The following GALNT7 variants were observed in gnomAD, a reference collection of about 807,000 sequenced individuals.
GALNT7 encodes the protein N-acetylgalactosaminyltransferase 7.
GALNT7 carries 60 observed loss-of-function variants against 82.1 expected under a neutral mutation model. The observed-to-expected ratio is 0.73, with a 90% CI of 0.59 to 0.91. The LOEUF is 0.91. GALNT7 is among the 40% of genes least tolerant of loss of function. The pLI is 0.00. For missense variants in GALNT7, 660 were observed against 804.2 expected (o/e 0.82, Z 2.17); for synonymous variants, 243 against 275.1 (o/e 0.88, Z 1.15).
rs1242495855 is a variant in GALNT7, at chr4:173,216,647, T to G, written c.127-31333T>G. Among the ~76,000 whole-genome samples, 4 of 148,086 alleles carry G rather than the reference T, an allele frequency of 2.7e-5. No individual in the cohort carries two copies. In the Admixed American group the frequency reaches 2.7e-4, roughly 10 times the overall value. ...TGTGTTCCCCAGGTGTGAGGGTTCCTGGGCTGGGCTGGGGCTACTGTCTTG... is the reference window on the plus strand; with the variant it reads ...TGTGTTCCCCAGGTGTGAGGGTTCCGGGGCTGGGCTGGGGCTACTGTCTTG... On this transcript the variant is annotated intron_variant, in intron 1 of 11. Coordinates refer to ENST00000265000, the MANE Select transcript of GALNT7 (RefSeq NM_017423.3).
chr4:173,321,445 TC>T, intron 11 of GALNT7, 134 bp from the exon 12 acceptor site: 1 of 637,080 alleles, frequency 1.6e-6, no homozygotes, highest in Non-Finnish European at 2.8e-6. Flanking sequence ...TCAAGAGAAA[TC>T]CAAAGTCTGA....
At chr4:173,300,354 A>G (rs1292982243) in intron 6 of GALNT7, among the ~76,000 whole-genome samples, 1 of 152,182 alleles carries the variant, frequency 6.6e-6, no homozygotes, top group African/African-American at 2.4e-5. Context: ...CAAAACAAAC[A>G]AAACTCTGGA....
At chr4:173,189,440 G>A (rs556612768) in intron 1 of GALNT7, among the ~76,000 whole-genome samples, 43 of 152,310 alleles carry the variant, frequency 2.8e-4, no homozygotes, top group Non-Finnish European at 5.7e-4. Context: ...TACAGAAATA[G>A]ATGTCCAGTG....
At chr4:173,264,992 A>C (rs958268072) in intron 2 of GALNT7, among the ~76,000 whole-genome samples, 1 of 152,220 alleles carries the variant, frequency 6.6e-6, no homozygotes, top group Admixed American at 6.5e-5. Flanking sequence ...GCAGAAGCAA[A>C]TGCTGCTTTG....
At chr4:173,313,798 T>G (rs1008660104) in intron 8 of GALNT7, among the ~76,000 whole-genome samples, 160 bp from the exon 9 acceptor site, 1 of 152,074 alleles carries the variant, frequency 6.6e-6, no homozygotes, top group Non-Finnish European at 1.5e-5. Flanking sequence ...AGATGACATA[T>G]TAGAGTCATT....
At chr4:173,184,466 C>T (rs867269150) in intron 1 of GALNT7, among the ~76,000 whole-genome samples, 1 of 151,902 alleles carries the variant, frequency 6.6e-6, no homozygotes, top group Admixed American at 6.6e-5. Context: ...GGCATGGTGG[C>T]GCCCGCCTGC....
At chr4:173,253,243 T>C (rs1259772132) in intron 2 of GALNT7, among the ~76,000 whole-genome samples, 1 of 152,120 alleles carries the variant, frequency 6.6e-6, no homozygotes, top group Non-Finnish European at 1.5e-5. Context: ...AGGGGGATAC[T>C]AGGGAAGACC....
At chr4:173,208,136 C>A (rs1202373595) in intron 1 of GALNT7, among the ~76,000 whole-genome samples, 1 of 152,080 alleles carries the variant, frequency 6.6e-6, no homozygotes, top group Non-Finnish European at 1.5e-5. Context: ...ATATTAGTTA[C>A]TCCCCCCAGT....
intron 6 of GALNT7, among the ~76,000 whole-genome samples, chr4:173,299,803 G>A (rs930424211): frequency 2.0e-5 from 3 of 151,652 alleles, no homozygotes; most frequent in Non-Finnish European, 4.4e-5. Context: ...TCAGGATCAC[G>A]CCATTGCACT....
Position 173,307,225 on chromosome 4 carries a change from C to T in GALNT7, c.1389+3107C>T, listed in dbSNP as rs897500008. Among the ~76,000 whole-genome samples the T allele has an allele frequency of 1.1e-4, 17 of 152,328 alleles. No homozygotes were observed. The East Asian group carries it at 2.1e-3, about 19-fold the overall frequency. Reference sequence around the variant, plus strand: ...TTCTGACTCATAGGCTCACTTGCAGCGGCAGTGGCCCTTGTAGAGTGGCTG... The same window carrying T: ...TTCTGACTCATAGGCTCACTTGCAGTGGCAGTGGCCCTTGTAGAGTGGCTG... On this transcript the variant is annotated intron_variant, in intron 8 of 11. Transcript: ENST00000265000.
At chr4:173,191,669 C>T (rs1169083123) in intron 1 of GALNT7, among the ~76,000 whole-genome samples, 1 of 152,180 alleles carries the variant, frequency 6.6e-6, no homozygotes, top group Non-Finnish European at 1.5e-5. Flanking sequence ...GTGGTCTGCT[C>T]AGTCTTGAGG....
intron 1 of GALNT7, among the ~76,000 whole-genome samples, chr4:173,171,158 G>C (rs1331598037): frequency 6.6e-6 from 1 of 152,166 alleles, no homozygotes; most frequent in East Asian, 1.9e-4. Context: ...TTAAAGTGTA[G>C]CTTATAAATA....
intron 2 of GALNT7, among the ~76,000 whole-genome samples, chr4:173,275,961 C>T (rs1561185363): frequency 6.6e-6 from 1 of 152,128 alleles, no homozygotes; most frequent in Non-Finnish European, 1.5e-5. Flanking sequence ...AACTATGGCA[C>T]CATACAGTAC....
At chr4:173,296,786 CA>C (rs2126837436) in intron 5 of GALNT7, among the ~76,000 whole-genome samples, 1 of 152,286 alleles carries the variant, frequency 6.6e-6, no homozygotes, top group Non-Finnish European at 1.5e-5. Context: ...TGAATACCAG[CA>C]GGCTTCTGGG....
At chr4:173,216,713 ATATATATATATATATT>A (rs1283164553) in intron 1 of GALNT7, among the ~76,000 whole-genome samples, 1 of 17,244 alleles carries the variant, frequency 5.8e-5, no homozygotes, top group East Asian at 1.1e-3. Flanking sequence ...ATTCATATAT[ATATATATATATATATT>A]TTTTTTTTTT....
intron 1 of GALNT7, among the ~76,000 whole-genome samples, chr4:173,227,952 T>C (rs1003623989): frequency 6.6e-6 from 1 of 152,122 alleles, no homozygotes; most frequent in Non-Finnish European, 1.5e-5. Context: ...GCCATAAATA[T>C]TGTTTCTATG....
intron 1 of GALNT7, among the ~76,000 whole-genome samples, chr4:173,187,952 G>T (rs537949487): frequency 1.3e-5 from 2 of 152,104 alleles, no homozygotes; most frequent in Admixed American, 6.5e-5. Flanking sequence ...TTGCATAGTT[G>T]GACTACACTT....
At chr4:173,247,913 T>C (rs1204265069) in intron 1 of GALNT7, 67 bp from the exon 2 acceptor site, 1 of 998,612 alleles carries the variant, frequency 1.0e-6, no homozygotes, top group African/African-American at 1.6e-5. Flanking sequence ...TGAAAATTGG[T>C]CTCATGAGCT....
chr4:173,254,614 C>T lies in GALNT7; in HGVS notation c.587+6174C>T, dbSNP rs540539007. ...CATACATATATGAATCATGTATATGCAGAGGTATTTGTACTTTGCCCTAGT... is the reference window on the plus strand; with the variant it reads ...CATACATATATGAATCATGTATATGTAGAGGTATTTGTACTTTGCCCTAGT... On this transcript the variant is annotated intron_variant, in intron 2 of 11. Coordinates refer to ENST00000265000, the MANE Select transcript of GALNT7 (RefSeq NM_017423.3). 1.8e-4 allele frequency among the ~76,000 whole-genome samples: 28 copies of T among 152,272 alleles called. No individual in the cohort carries two copies. In the South Asian group the frequency reaches 5.8e-3, roughly 32 times the overall value.
Sources: gnomAD v4.1 joint callset for allele counts (sites outside exome capture counted in the v4.1 genomes callset) on GRCh38, gnomAD v4.1.1 for gene constraint, MANE v1.5 for transcripts, NCBI Gene and HGNC (gene_info 2026-07-23, HGNC 2026-07-21) for gene names.